The following UBE2D2 variants were observed in gnomAD, a reference collection of about 807,000 sequenced individuals.
UBE2D2 encodes the protein ubiquitin conjugating enzyme E2 D2.
Under a neutral mutation model 24.2 loss-of-function variants are expected in UBE2D2, and 2 were observed. The ratio of observed to expected loss-of-function variants is 0.08; its 90% CI spans 0.03 to 0.26. The LOEUF is 0.26. Among genes scored for constraint, UBE2D2 ranks in the 10% least tolerant of loss-of-function variants. The probability of loss-of-function intolerance (pLI) is 1.00; values close to 1 mark genes in which losing one functional copy is unlikely to be tolerated. For missense variants in UBE2D2, 44 were observed against 177.6 expected (o/e 0.25, Z 4.28); for synonymous variants, 58 against 56.5 (o/e 1.03, Z -0.12).
chr5:139,588,739 C>T (rs919122743), intron 1 of UBE2D2, among the ~76,000 whole-genome samples: 1 of 152,068 alleles, frequency 6.6e-6, no homozygotes, highest in Non-Finnish European at 1.5e-5. Context: ...TCACACAGAT[C>T]GTATTTTTAA....
intron 1 of UBE2D2, among the ~76,000 whole-genome samples, chr5:139,586,874 T>A (rs1753736511): frequency 6.6e-6 from 1 of 152,256 alleles, no homozygotes; most frequent in African/African-American, 2.4e-5. Flanking sequence ...TCCGTTTACT[T>A]TATCAGCATA....
intron 1 of UBE2D2, among the ~76,000 whole-genome samples, chr5:139,550,541 A>G (rs539064714): frequency 1.5e-4 from 23 of 152,278 alleles, no homozygotes; most frequent in African/African-American, 5.3e-4. Flanking sequence ...AGTAGTGGCA[A>G]CTGGCTCAGG....
chr5:139,620,419 T>C (rs1754494132), intron 5 of UBE2D2, among the ~76,000 whole-genome samples: 2 of 152,242 alleles, frequency 1.3e-5, no homozygotes, highest in African/African-American at 2.4e-5. Flanking sequence ...CAAAAATTTC[T>C]AACTTCCCTG....
At chr5:139,572,981 TA>T (rs199755220) in intron 1 of UBE2D2, among the ~76,000 whole-genome samples, 2,122 of 152,104 alleles carry the variant, frequency 0.014, 27 homozygotes, top group Middle Eastern at 0.054. Context: ...ATAATCAAAA[TA>T]ATGTCACAAA....
At chr5:139,529,116 C>T (rs1242682228) in intron 1 of UBE2D2, among the ~76,000 whole-genome samples, 1 of 152,134 alleles carries the variant, frequency 6.6e-6, no homozygotes, top group African/African-American at 2.4e-5. Flanking sequence ...AAGATTGCTA[C>T]AGTCATATTA....
intron 1 of UBE2D2, 116 bp downstream of exon 1, chr5:139,561,931 C>T (rs551121133): frequency 1.8e-5 from 24 of 1,365,274 alleles, no homozygotes; most frequent in Non-Finnish European, 2.1e-5. Context: ...CCGGTGCTGG[C>T]CCCTCGGGGC....
intron 1 of UBE2D2, among the ~76,000 whole-genome samples, chr5:139,552,800 A>G (rs1412743931): frequency 1.3e-5 from 2 of 149,512 alleles, no homozygotes; most frequent in East Asian, 2.0e-4. Flanking sequence ...CTCCTTCCTC[A>G]GCCTCCCAAG....
chr5:139,626,792 T>C lies in UBE2D2; in HGVS notation c.435T>C (p.Tyr145=). 6.2e-7 allele frequency: 1 copy of C among 1,613,320 alleles called. No individual in the cohort carries two copies. The highest frequency in any genetic ancestry group is 1.3e-5 in the African/African-American group (1 of 75,018). Residue 145 remains tyrosine, a synonymous_variant, in exon 7 of 7, where the codon TAT becomes TAC. Coordinates refer to ENST00000398733, the MANE Select transcript of UBE2D2 (RefSeq NM_003339.3). Reference sequence around the variant, plus strand: ...TAGCTCGGGAATGGACTCAGAAGTATGCGATGTAATTAAAGAAATTATTGG... The same window carrying C: ...TAGCTCGGGAATGGACTCAGAAGTACGCGATGTAATTAAAGAAATTATTGG... The part of the protein sequence containing the change: ...NRIAREWTQK[Y]AM
chr5:139,531,195 C>T (rs1171538605), intron 1 of UBE2D2, among the ~76,000 whole-genome samples: 2 of 152,182 alleles, frequency 1.3e-5, no homozygotes, highest in African/African-American at 2.4e-5. Context: ...AGCCCGGCAC[C>T]AGGCCTGAAA....
At chr5:139,623,307 A>C in intron 5 of UBE2D2, 61 bp from the exon 6 acceptor site, 1 of 1,274,752 alleles carries the variant, frequency 7.8e-7, no homozygotes, top group Non-Finnish European at 1.1e-6. Flanking sequence ...TTGGCGTCTC[A>C]TGTTTCTCTC....
At chr5:139,600,567 C>G (rs1754051322) in intron 2 of UBE2D2, 132 bp downstream of exon 2, 1 of 797,354 alleles carries the variant, frequency 1.3e-6, no homozygotes, top group Non-Finnish European at 2.0e-6. Context: ...CTATGTTCAT[C>G]CCATTATCAT....
intron 1 of UBE2D2, among the ~76,000 whole-genome samples, chr5:139,583,076 G>T (rs1581508248): frequency 6.6e-6 from 1 of 151,546 alleles, no homozygotes; most frequent in East Asian, 1.9e-4. Flanking sequence ...TTGGGTTCCA[G>T]TGATTCTCCC....
At chr5:139,528,036 A>G (rs1752560344) in intron 1 of UBE2D2, among the ~76,000 whole-genome samples, 1 of 152,242 alleles carries the variant, frequency 6.6e-6, no homozygotes, top group Admixed American at 6.5e-5. Context: ...TCTCTCTGCT[A>G]TATCCCAAAG....
chr5:139,576,778 T>TA (rs1398135212), intron 1 of UBE2D2, among the ~76,000 whole-genome samples: 1 of 152,134 alleles, frequency 6.6e-6, no homozygotes, highest in African/African-American at 2.4e-5. Context: ...AATGTAATTT[T>TA]AAAAAGACAT....
chr5:139,557,751 A>T (rs1170067077), upstream of UBE2D2, among the ~76,000 whole-genome samples: 1 of 152,098 alleles, frequency 6.6e-6, no homozygotes, highest in Non-Finnish European at 1.5e-5. Context: ...TGTCTCAATA[A>T]ATAAATAAAC....
chr5:139,585,922 C>A (rs1402611736), intron 1 of UBE2D2, among the ~76,000 whole-genome samples: 1 of 112,430 alleles, frequency 8.9e-6, no homozygotes, highest in Non-Finnish European at 1.6e-5. Context: ...GGCAACAGAG[C>A]GAGACTCTGT....
chr5:139,621,465 C>A (rs1754512606), intron 5 of UBE2D2, among the ~76,000 whole-genome samples: 1 of 152,168 alleles, frequency 6.6e-6, no homozygotes, highest in Admixed American at 6.5e-5. Flanking sequence ...CATTTAGGGG[C>A]AAGTGTTTGC....
chr5:139,540,948 G>A (rs1304825125), intron 1 of UBE2D2, among the ~76,000 whole-genome samples: 1 of 151,072 alleles, frequency 6.6e-6, no homozygotes, highest in Admixed American at 6.6e-5. Context: ...AGCCGAGATC[G>A]TGCCACTGCA....
At chr5:139,555,803 G>A (rs574377507) in intron 1 of UBE2D2, among the ~76,000 whole-genome samples, 1 of 151,884 alleles carries the variant, frequency 6.6e-6, no homozygotes, top group South Asian at 2.1e-4. Flanking sequence ...GCACATGCCT[G>A]TAGTCCCAGC....
Sources: allele counts gnomAD v4.1 joint callset (sites outside exome capture counted in the v4.1 genomes callset), GRCh38; gene constraint gnomAD v4.1.1; transcripts MANE v1.5; gene names NCBI Gene and HGNC (gene_info 2026-07-23, HGNC 2026-07-21).